The following USH1G variants were observed in gnomAD, a reference collection of about 807,000 sequenced individuals.
USH1G encodes pre-mRNA splicing regulator USH1G.
Under a neutral mutation model 31.9 loss-of-function variants are expected in USH1G, and 27 were observed. The ratio of observed to expected loss-of-function variants is 0.85; its 90% CI spans 0.62 to 1.17. The LOEUF (loss-of-function observed/expected upper bound fraction) is 1.17, where lower values mean the gene tolerates loss of function less well. Ranked by LOEUF, USH1G falls within the 50% of genes most tolerant of loss-of-function variation. USH1G has a pLI of 0.00. For missense variants in USH1G, 674 were observed against 638.9 expected, an observed-to-expected ratio of 1.05 and a Z score of -0.59; for synonymous variants, 266 against 283.2, an observed-to-expected ratio of 0.94 and a Z score of 0.61.
rs2038948690 is a variant in USH1G at position 74,921,985 on chromosome 17, G to A, written c.164+925C>T. On this transcript the variant is annotated intron_variant, in intron 1 of 2. Transcript: ENST00000614341. This position sits in a 1 kb window ranked among gnomAD's most constrained non-coding sequence, Gnocchi z 4.6. Reference sequence around the variant, plus strand: ...GGCACTGGCCAGTACCTGGTACCGGGGCCAGCTAAGCCCCTGGCCCTCTCT... The same window carrying A: ...GGCACTGGCCAGTACCTGGTACCGGAGCCAGCTAAGCCCCTGGCCCTCTCT... 6.6e-6 allele frequency among the ~76,000 whole-genome samples: 1 copy of A among 152,132 alleles called. No homozygotes were observed. Among genetic ancestry groups the A allele is most frequent in the African/African-American group, 2.4e-5 (1 of 41,420 alleles).
At chr17:74,922,807 G>A in intron 1 of USH1G, 103 bp downstream of exon 1, 2 of 1,364,792 alleles carry the variant, frequency 1.5e-6, no homozygotes, top group East Asian at 5.2e-5. Flanking sequence ...GGGTCTAAGG[G>A]TCCGCCTGTC....
rs2038921596 is a variant in USH1G, at chr17:74,920,172, G to T, written c.664C>A (p.Arg222=). The T allele has an allele frequency of 6.2e-7, 1 of 1,602,110 alleles. No homozygotes were observed. Among genetic ancestry groups the T allele is most frequent in the African/African-American group, 1.3e-5 (1 of 75,052 alleles). The change falls in exon 2 of 3, where the codon CGG becomes AGG. Residue 222 remains arginine, a synonymous_variant. Coordinates refer to ENST00000614341, the MANE Select transcript of USH1G (RefSeq NM_173477.5). This position sits in a 1 kb window ranked among gnomAD's most constrained non-coding sequence, Gnocchi z 5.2. ...GKTKMQKKLE[R]RKQGGEGTFK... is the part of the protein sequence containing the mutation. ...GTGCCTTCGCCGCCCTGCTTGCGCC[G>T]CTCCAGCTTCTTCTGCATCTTGGTC...
At position 74,919,761 on chromosome 17, in the gene USH1G, TGCCCAGGCTGTCATC is replaced by T. The variant is rs748994272; in HGVS notation, c.1060_1074del (p.Asp354_Gly358del). 6.2e-7 allele frequency: 1 copy of T among 1,612,876 alleles called. No individual in the cohort carries two copies. Among genetic ancestry groups the T allele is most frequent in the Non-Finnish European group, 8.5e-7 (1 of 1,179,980 alleles). ...CTGCGGTCCTGCAGGCTGTTGGCAC[TGCCCAGGCTGTCATC>T]GTCCAGGCTGGGGGAGCTCTGCAGC... is the stretch of plus-strand genomic sequence containing the variant. On this transcript the variant is annotated inframe_deletion, in exon 2 of 3. Transcript: ENST00000614341. This position sits in a 1 kb window ranked among gnomAD's most constrained non-coding sequence, Gnocchi z 4.5.
intron 1 of USH1G, among the ~76,000 whole-genome samples, chr17:74,922,104 C>T (rs113488703): frequency 0.017 from 2,552 of 152,286 alleles, 53 homozygotes; most frequent in African/African-American, 0.055. Context: ...TATAAAGCCA[C>T]TGGGGCTGAG....
Position 74,918,213 on chromosome 17 carries a change from G to T in USH1G, c.1383-137C>A. ...CAATTGTCAGGGATGGGGGACGCCA[G>T]CCTATGGGTGACCTCCCCATCCCCA... On this transcript the variant is annotated intron_variant, in intron 2 of 2. Transcript: ENST00000614341. This position sits in a 1 kb window ranked among gnomAD's most constrained non-coding sequence, Gnocchi z 4.1. The T allele has an allele frequency of 1.7e-6, 2 of 1,207,752 alleles. No individual in the cohort carries two copies. The highest frequency in any genetic ancestry group is 2.4e-6 in the Non-Finnish European group (2 of 838,170). The allele number at this position is 1,207,752 out of a possible 1,614,324, so 74.8% of individuals were successfully genotyped here. A position where few individuals can be genotyped will look rare whatever the true frequency, so the allele number is the denominator to read the frequency against.
At position 74,920,053 on chromosome 17, in the gene USH1G, G is replaced by A. The variant is rs748980810; in HGVS notation, c.783C>T (p.Tyr261=). 24 of 1,609,350 alleles carry A rather than the reference G, an allele frequency of 1.5e-5. No homozygotes were observed. In the East Asian group the frequency reaches 3.6e-4, roughly 24 times the overall value. Residue 261 remains tyrosine (Y), a synonymous_variant, in exon 2 of 3, where the codon TAC becomes TAT. Coordinates refer to ENST00000614341, the MANE Select transcript of USH1G (RefSeq NM_173477.5). The surrounding 1 kb of genome is among the most constrained non-coding windows in gnomAD (Gnocchi z 5.2). ...CTCGGCCCCACTCCTTGGGATTGGC[G>A]TAGGTGCCCTGGCGCACGAACATCA... is the stretch of plus-strand genomic sequence containing the variant. ...SDVMFVRQGT[Y]ANPKEWGRAP... is the part of the protein sequence containing the mutation.
chr17:74,922,794 C>T, intron 1 of USH1G, 116 bp downstream of exon 1: 1 of 1,244,298 alleles, frequency 8.0e-7, no homozygotes, highest in Non-Finnish European at 1.1e-6. Context: ...CCCACAAACG[C>T]CAGGGTCTAA....
rs761982338 is a variant in USH1G, at chr17:74,923,118, C to T, written c.-45G>A. The T allele has an allele frequency of 2.1e-5, 32 of 1,527,332 alleles. No individual in the cohort carries two copies. In the Admixed American group the frequency reaches 3.7e-4, roughly 18 times the overall value. 94.6% of individuals were successfully genotyped at this position (1,527,332 alleles called of 1,614,324 possible). ...GCGGGCGGGGGACACGGAGAAAGGC[C>T]CCCCGCAGGGGAGGGCGGCGGTATT... On this transcript the variant is annotated 5_prime_UTR_variant, in exon 1 of 3. Coordinates refer to ENST00000614341, the MANE Select transcript of USH1G (RefSeq NM_173477.5). The surrounding 1 kb of genome is among the most constrained non-coding windows in gnomAD (Gnocchi z 5.3).
chr17:74,919,705 G>T lies in USH1G; in HGVS notation c.1131C>A (p.Leu377=). ...CCAGGTCCTCGTCCAAGCCTAAATC[G>T]AGCTCATCCCAGGGCAGCTCCTCCC... ...SCGEELPWDE[L]DLGLDEDLEP... Residue 377 remains leucine, a synonymous_variant, in exon 2 of 3, where the codon CTC becomes CTA. Coordinates refer to ENST00000614341, the MANE Select transcript of USH1G (RefSeq NM_173477.5). The surrounding 1 kb of genome is among the most constrained non-coding windows in gnomAD (Gnocchi z 4.5). The T allele has an allele frequency of 6.2e-7, 1 of 1,612,864 alleles. No homozygotes were observed. The highest frequency in any genetic ancestry group is 1.1e-5 in the South Asian group (1 of 91,084).
chr17:74,918,035 C>G lies in USH1G; in HGVS notation c.*38G>C, dbSNP rs767766308. The G allele has an allele frequency of 1.2e-6, 2 of 1,613,992 alleles. No individual in the cohort carries two copies. The highest frequency in any genetic ancestry group is 1.1e-5 in the South Asian group (1 of 91,044). On this transcript the variant is annotated 3_prime_UTR_variant, in exon 3 of 3. Coordinates refer to ENST00000614341, the MANE Select transcript of USH1G (RefSeq NM_173477.5). The surrounding 1 kb of genome is among the most constrained non-coding windows in gnomAD (Gnocchi z 4.1). ...GAGACCCCACCATAGGTTGTGGCAA[C>G]TTGCAATTCATTTTGGTCTGGGGAG...
chr17:74,918,218 T>C lies in USH1G; in HGVS notation c.1383-142A>G, dbSNP rs1014211835. On this transcript the variant is annotated intron_variant, in intron 2 of 2. Coordinates refer to ENST00000614341, the MANE Select transcript of USH1G (RefSeq NM_173477.5). The surrounding 1 kb of genome is among the most constrained non-coding windows in gnomAD (Gnocchi z 4.1). ...GTCAGGGATGGGGGACGCCAGCCTA[T>C]GGGTGACCTCCCCATCCCCAAAACT... 49 of 1,153,830 alleles carry C rather than the reference T, an allele frequency of 4.2e-5. 1 individual carries two copies. The Admixed American group carries it at 5.4e-4, about 13-fold the overall frequency. 71.5% of individuals were successfully genotyped at this position (1,153,830 alleles called of 1,614,324 possible).
At position 74,919,356 on chromosome 17, in the gene USH1G, C is replaced by A; in HGVS notation, c.1382+98G>T. 1.5e-6 allele frequency: 2 copies of A among 1,293,364 alleles called. No homozygotes were observed. The highest frequency in any genetic ancestry group is 2.1e-6 in the Non-Finnish European group (2 of 962,714). 80.1% of individuals were successfully genotyped at this position (1,293,364 alleles called of 1,614,324 possible). ...ATTTCGATTTTATGAAATACAGTAT[C>A]CCCCACCCCCTACTCCTGAATAGGC... On this transcript the variant is annotated intron_variant, in intron 2 of 2. Transcript: ENST00000614341. The surrounding 1 kb of genome is among the most constrained non-coding windows in gnomAD (Gnocchi z 4.5).
Position 74,920,773 on chromosome 17 carries a change from C to T in USH1G, c.165-102G>A. The T allele has an allele frequency of 1.3e-6, 2 of 1,511,754 alleles. No individual in the cohort carries two copies. Among genetic ancestry groups the T allele is most frequent in the South Asian group, 1.2e-5 (1 of 81,392 alleles). 93.6% of individuals were successfully genotyped at this position (1,511,754 alleles called of 1,614,324 possible). ...GGGAGCTTCCCCACTGTCACAGCAA[C>T]CCCCAAAGGGACCGTGGGCCTGAGA... is the stretch of plus-strand genomic sequence containing the variant. On this transcript the variant is annotated intron_variant, in intron 1 of 2. Transcript: ENST00000614341. This position sits in a 1 kb window ranked among gnomAD's most constrained non-coding sequence, Gnocchi z 5.2.
chr17:74,923,074 G>A lies in USH1G; in HGVS notation c.-1C>T, dbSNP rs727504576. ...CTGCCCGGTGGTACTGGTCGTTCAT[G>A]GCGCCCGAAGTGGACGGGGCGGGCG... On this transcript the variant is annotated 5_prime_UTR_variant, in exon 1 of 3. Coordinates refer to ENST00000614341, the MANE Select transcript of USH1G (RefSeq NM_173477.5). The surrounding 1 kb of genome is among the most constrained non-coding windows in gnomAD (Gnocchi z 5.3). 6 of 1,580,642 alleles carry A rather than the reference G, an allele frequency of 3.8e-6. No individual in the cohort carries two copies. The Admixed American group carries it at 7.0e-5, about 19-fold the overall frequency.
In USH1G at chr17:74,921,669, A is replaced by G. The variant is rs1028533628; in HGVS notation, c.165-998T>C. On this transcript the variant is annotated intron_variant, in intron 1 of 2. Coordinates refer to ENST00000614341, the MANE Select transcript of USH1G (RefSeq NM_173477.5). This position sits in a 1 kb window ranked among gnomAD's most constrained non-coding sequence, Gnocchi z 4.6. ...CAGGCCAGTGTGGGAAGGACCTGCC[A>G]GCACCCAACCCACAACCCATCAAAC... Among the ~76,000 whole-genome samples, 1 of 152,148 alleles carries G rather than the reference A, an allele frequency of 6.6e-6. No individual in the cohort carries two copies. The highest frequency in any genetic ancestry group is 1.5e-5 in the Non-Finnish European group (1 of 68,002).
chr17:74,920,070 C>G lies in USH1G; in HGVS notation c.766G>C (p.Val256Leu), dbSNP rs745713548. The G allele has an allele frequency of 3.1e-6, 5 of 1,607,312 alleles. No individual in the cohort carries two copies. The East Asian group carries it at 8.9e-5, about 29-fold the overall frequency. Residue 256 changes from valine to leucine, a missense_variant, in exon 2 of 3, where the codon GTG (valine) becomes CTG (leucine). Transcript: ENST00000614341. The surrounding 1 kb of genome is among the most constrained non-coding windows in gnomAD (Gnocchi z 5.2). Reference protein sequence around the residue: ...GLQLGSDVMFVRQGTYANPKE... With the variant: ...GLQLGSDVMFLRQGTYANPKE... ...GGATTGGCGTAGGTGCCCTGGCGCACGAACATCACGTCGCTGCCCAGCTGC... is the reference window on the plus strand; with the variant it reads ...GGATTGGCGTAGGTGCCCTGGCGCAGGAACATCACGTCGCTGCCCAGCTGC...
Position 74,919,996 on chromosome 17 carries a change from C to G in USH1G, c.840G>C (p.Glu280Asp). ...CCAGCGTGGCACGGGAGACGCTGTCCTCGTCCGAGAGGAACATGTCCCGGA... is the reference window on the plus strand; with the variant it reads ...CCAGCGTGGCACGGGAGACGCTGTCGTCGTCCGAGAGGAACATGTCCCGGA... ...APLRDMFLSD[E>D]DSVSRATLAA... is the part of the protein sequence containing the mutation. The change falls in exon 2 of 3, where the codon GAG (glutamate) becomes GAC (aspartate). Residue 280 changes from glutamate (E) to aspartate (D), a missense_variant. Glu to Asp is a conservative substitution (Grantham distance 45, BLOSUM62 2). Transcript: ENST00000614341. This position sits in a 1 kb window ranked among gnomAD's most constrained non-coding sequence, Gnocchi z 4.5. 1.2e-6 allele frequency: 2 copies of G among 1,612,380 alleles called. No homozygotes were observed. Among genetic ancestry groups the G allele is most frequent in the South Asian group, 2.2e-5 (2 of 91,074 alleles).
At position 74,920,641 on chromosome 17, in the gene USH1G, G is replaced by T. The variant is rs1253813250; in HGVS notation, c.195C>A (p.Gly65=). 1 of 1,613,658 alleles carries T rather than the reference G, an allele frequency of 6.2e-7. No homozygotes were observed. Among genetic ancestry groups the T allele is most frequent in the East Asian group, 2.2e-5 (1 of 44,886 alleles). The change falls in exon 2 of 3, where the codon GGC becomes GGA. Residue 65 remains glycine, a synonymous_variant. Transcript: ENST00000614341. The surrounding 1 kb of genome is among the most constrained non-coding windows in gnomAD (Gnocchi z 5.2). ...AAGCTGCCAGATGCAGGGGTGTGTT[G>T]CCCCAGATGTCACACTTGTCCGGGT... is the stretch of plus-strand genomic sequence containing the variant. The part of the protein sequence containing the change: ...GGDPDKCDIW[G]NTPLHLAASN...
rs539341563 is a variant in USH1G, at chr17:74,923,252, A to T, written c.-179T>A. The T allele has an allele frequency of 4.9e-4, 64 of 129,852 alleles. No homozygotes were observed. The East Asian group carries it at 0.014, about 28-fold the overall frequency. 8.0% of individuals were successfully genotyped at this position (129,852 alleles called of 1,614,324 possible). A position where few individuals can be genotyped will look rare whatever the true frequency, so the allele number is the denominator to read the frequency against. ...GCGCCAGAGCCGCGACTACCAAGAC[A>T]TCTGAAACGCTCACCCGGGGGCGGG... On this transcript the variant is annotated 5_prime_UTR_variant, in exon 1 of 3. An upstream start codon of the reference 5' UTR is lost. Coordinates refer to ENST00000614341, the MANE Select transcript of USH1G (RefSeq NM_173477.5). This position sits in a 1 kb window ranked among gnomAD's most constrained non-coding sequence, Gnocchi z 5.3.
Sources: gnomAD v4.1 joint callset for allele counts (sites outside exome capture counted in the v4.1 genomes callset) on GRCh38, gnomAD v4.1.1 for gene constraint, Gnocchi (gnomAD v3.1) non-coding constraint, MANE v1.5 for transcripts, NCBI Gene and HGNC (gene_info 2026-07-23, HGNC 2026-07-21) for gene names.